CEP112: variants seen among roughly 807,000 people sequenced by gnomAD.
CEP112 encodes centrosomal protein of 112 kDa.
In CEP112, 127 loss-of-function variants were observed where a neutral mutation model predicts 153.0. The ratio of observed to expected loss-of-function variants is 0.83; its 90% CI spans 0.72 to 0.96. The LOEUF is 0.96. Ranked by LOEUF, CEP112 falls within the 40% of genes least tolerant of loss-of-function variation. CEP112 has a pLI of 0.00. For missense variants in CEP112, 1,089 were observed against 1,101.2 expected (o/e 0.99, Z 0.16); for synonymous variants, 358 against 374.4 (o/e 0.96, Z 0.51).
At chr17:65,788,346 A>C (rs1018146777) in intron 21 of CEP112, among the ~76,000 whole-genome samples, 1 of 152,192 alleles carries the variant, frequency 6.6e-6, no homozygotes, top group Non-Finnish European at 1.5e-5. Context: ...AATTAAATGT[A>C]AGATTGGTAT....
At chr17:66,066,466 C>G (rs536544279) in intron 10 of CEP112, among the ~76,000 whole-genome samples, 1 of 152,096 alleles carries the variant, frequency 6.6e-6, no homozygotes, top group South Asian at 2.1e-4. Flanking sequence ...GCAGCTGTAT[C>G]CCAATGAGGC....
At chr17:66,095,925 T>C (rs78970137) in intron 8 of CEP112, among the ~76,000 whole-genome samples, 1 of 151,350 alleles carries the variant, frequency 6.6e-6, no homozygotes, top group Non-Finnish European at 1.5e-5. Context: ...AAAAAAAAAA[T>C]TTTAATTAGC....
At chr17:66,012,835 C>T (rs1428967515) in intron 16 of CEP112, among the ~76,000 whole-genome samples, 2 of 152,180 alleles carry the variant, frequency 1.3e-5, no homozygotes, top group Non-Finnish European at 2.9e-5. Flanking sequence ...AAGCTACTTG[C>T]TTTCTTTCCC....
intron 21 of CEP112, among the ~76,000 whole-genome samples, chr17:65,787,098 G>A (rs910401323): frequency 7.9e-5 from 12 of 152,132 alleles, no homozygotes; most frequent in Admixed American, 2.0e-4. Flanking sequence ...AACTACTAAC[G>A]TCCATACCTT....
At chr17:65,864,065 C>A (rs556452462) in intron 20 of CEP112, among the ~76,000 whole-genome samples, 1 of 149,952 alleles carries the variant, frequency 6.7e-6, no homozygotes. Flanking sequence ...CGCTTGAACC[C>A]GGGAGGCAGA....
At chr17:66,144,099 T>C (rs1180354334) in intron 4 of CEP112, among the ~76,000 whole-genome samples, 3 of 152,210 alleles carry the variant, frequency 2.0e-5, no homozygotes, top group African/African-American at 4.8e-5. Flanking sequence ...ATTTTTATTG[T>C]TTACTGAGGT....
chr17:65,985,417 TAGA>T (rs1456593553), intron 17 of CEP112, among the ~76,000 whole-genome samples: 1 of 152,154 alleles, frequency 6.6e-6, no homozygotes, highest in African/African-American at 2.4e-5. Flanking sequence ...GTCACAAGAA[TAGA>T]AGTAGTATCA....
chr17:66,111,215 C>T (rs2069025399), intron 6 of CEP112, among the ~76,000 whole-genome samples: 4 of 152,146 alleles, frequency 2.6e-5, no homozygotes, highest in Admixed American at 2.0e-4. Flanking sequence ...ATAACAGATG[C>T]TGGCAAGGTT....
intron 23 of CEP112, among the ~76,000 whole-genome samples, chr17:65,699,586 C>A (rs1025818812): frequency 6.6e-6 from 1 of 152,068 alleles, no homozygotes; most frequent in Admixed American, 6.6e-5. Context: ...TTGTCTTTAC[C>A]CGTTTGCCCT....
At chr17:65,931,087 T>C (rs993756369) in intron 18 of CEP112, among the ~76,000 whole-genome samples, 5 of 152,212 alleles carry the variant, frequency 3.3e-5, no homozygotes, top group African/African-American at 1.2e-4. Context: ...AAAAGAACTA[T>C]GGCAAGTCTT....
chr17:65,893,941 C>G (rs1296742253), intron 20 of CEP112, among the ~76,000 whole-genome samples: 1 of 152,108 alleles, frequency 6.6e-6, no homozygotes, highest in Admixed American at 6.6e-5. Context: ...TTTTGCCCAT[C>G]ATTTCTTGCA....
chr17:66,012,894 G>GT (rs946908690), intron 16 of CEP112, among the ~76,000 whole-genome samples: 7 of 151,824 alleles, frequency 4.6e-5, no homozygotes, highest in African/African-American at 1.7e-4. Context: ...ACATAATCCC[G>GT]TATTTCTCTG....
At chr17:65,779,007 A>G (rs1314300303) in intron 21 of CEP112, among the ~76,000 whole-genome samples, 1 of 144,706 alleles carries the variant, frequency 6.9e-6, no homozygotes, top group African/African-American at 2.5e-5. Context: ...CTCTTTAAAA[A>G]AAAAGGCATT....
intron 21 of CEP112, among the ~76,000 whole-genome samples, chr17:65,768,028 G>T (rs1030767155): frequency 6.6e-6 from 1 of 152,048 alleles, no homozygotes; most frequent in Non-Finnish European, 1.5e-5. Flanking sequence ...GAACGACATG[G>T]AGGTTAGTGG....
chr17:65,739,046 G>A (rs2050967113), intron 23 of CEP112, among the ~76,000 whole-genome samples: 1 of 152,362 alleles, frequency 6.6e-6, no homozygotes, highest in Non-Finnish European at 1.5e-5. Flanking sequence ...TACAGGTTCT[G>A]CTTTTACCCC....
chr17:65,892,721 T>C (rs1373876093), intron 20 of CEP112, among the ~76,000 whole-genome samples: 2 of 152,118 alleles, frequency 1.3e-5, no homozygotes, highest in Non-Finnish European at 2.9e-5. Context: ...TAAGCAGTAA[T>C]TGGTGGATAA....
intron 1 of CEP112, among the ~76,000 whole-genome samples, chr17:66,185,762 A>G (rs1568594341): frequency 6.6e-6 from 1 of 152,174 alleles, no homozygotes. Context: ...TTTGTCATTT[A>G]TTCCATTTAC....
At position 66,142,683 on chromosome 17, in the gene CEP112, C is replaced by A. The variant is rs143332890; in HGVS notation, c.471-9920G>T. Among the ~76,000 whole-genome samples, 5 of 152,180 alleles carry A rather than the reference C, an allele frequency of 3.3e-5. No homozygotes were observed. In the East Asian group the frequency reaches 9.6e-4, roughly 29 times the overall value. On this transcript the variant is annotated intron_variant, in intron 4 of 26. Transcript: ENST00000535342. ...GTAAATGCGTGGGTTTATTTCTGGGCTCTTTATTTTGTTCCATTGGTCTAT... is the reference window on the plus strand; with the variant it reads ...GTAAATGCGTGGGTTTATTTCTGGGATCTTTATTTTGTTCCATTGGTCTAT...
intron 20 of CEP112, among the ~76,000 whole-genome samples, chr17:65,869,681 C>A (rs1243816972): frequency 6.6e-6 from 1 of 151,474 alleles, no homozygotes; most frequent in Non-Finnish European, 1.5e-5. Context: ...CTGGGTTCAC[C>A]CCATTCTCCT....
Sources: allele counts gnomAD v4.1 joint callset (sites outside exome capture counted in the v4.1 genomes callset), GRCh38; gene constraint gnomAD v4.1.1; transcripts MANE v1.5; gene names NCBI Gene and HGNC (gene_info 2026-07-23, HGNC 2026-07-21).